ACAD11: variants seen among roughly 807,000 people sequenced by gnomAD.
ACAD11 encodes acyl-Coenzyme A dehydrogenase family, member 11.
Under a neutral mutation model 102.2 loss-of-function variants are expected in ACAD11, and 83 were observed. The ratio of observed to expected loss-of-function variants is 0.81; its 90% confidence interval spans 0.68 to 0.97. ACAD11 has a LOEUF of 0.97. Among genes scored for constraint, ACAD11 ranks in the 50% least tolerant of loss-of-function variants. The probability of loss-of-function intolerance (pLI) is 0.00; values close to 1 mark genes in which losing one functional copy is unlikely to be tolerated. For missense variants in ACAD11, 901 were observed against 951.7 expected, an observed-to-expected ratio of 0.95 and a Z score of 0.70; for synonymous variants, 324 against 319.8, an observed-to-expected ratio of 1.01 and a Z score of -0.14.
chr3:132,631,315 A>AAAAGCG (rs757317626), intron 6 of ACAD11, 26 bp downstream of exon 6: 1 of 1,345,998 alleles, frequency 7.4e-7, no homozygotes, highest in South Asian at 2.2e-5. Context: ...ATTAATAGCA[A>AAAAGCG]TTTAGACAAC....
rs1386269858 is a variant in ACAD11, at chr3:132,605,096, A to G, written c.1522+2T>C. 6.2e-7 allele frequency: 1 copy of G among 1,608,254 alleles called. No individual in the cohort carries two copies. The highest frequency in any genetic ancestry group is 8.5e-7 in the Non-Finnish European group (1 of 1,175,204). On this transcript the variant is annotated splice_donor_variant, in intron 12 of 19. Coordinates refer to ENST00000264990, the MANE Select transcript of ACAD11 (RefSeq NM_032169.5). LOFTEE classifies it high-confidence loss of function. ...AAGGAGAGAATGGTGATTGGCATTT[A>G]CCTGTCATACAGAAGCAAGAGGTAA...
In ACAD11 at chr3:132,600,380, G is replaced by A. The variant is rs759715558; in HGVS notation, c.1621+2849C>T. The A allele has an allele frequency of 1.9e-6, 3 of 1,559,220 alleles. 1 individual carries two copies. In the South Asian group the frequency reaches 3.7e-5, roughly 19 times the overall value. On this transcript the variant is annotated intron_variant, in intron 13 of 19. Transcript: ENST00000264990. ...CAAATATCTATCCTGTATTCTCTTT[G>A]CCATCTAGATTGGAGCCATGGCTTT...
intron 11 of ACAD11, among the ~76,000 whole-genome samples, chr3:132,611,476 C>T (rs1438540102): frequency 6.6e-6 from 1 of 152,092 alleles, no homozygotes; most frequent in Non-Finnish European, 1.5e-5. Flanking sequence ...TAGAAAACCC[C>T]ATCGTCTCAG....
intron 1 of ACAD11, chr3:132,650,320 G>A (rs774628958): frequency 3.3e-5 from 5 of 152,202 alleles, no homozygotes; most frequent in Non-Finnish European, 5.9e-5. Context: ...CTAGCACCAT[G>A]CTAGGTGCTT....
chr3:132,612,768 A>G (rs2107839090), intron 11 of ACAD11, among the ~76,000 whole-genome samples: 1 of 152,120 alleles, frequency 6.6e-6, no homozygotes, highest in Middle Eastern at 3.4e-3. Flanking sequence ...ACACTTTTAC[A>G]CTGTTGGTGG....
At chr3:132,627,794 CATT>C (rs748878518) in intron 8 of ACAD11, among the ~76,000 whole-genome samples, 14 of 152,184 alleles carry the variant, frequency 9.2e-5, no homozygotes, top group Admixed American at 2.0e-4. Flanking sequence ...ATTGTCCTAA[CATT>C]ATGCCATGGG....
intron 13 of ACAD11, among the ~76,000 whole-genome samples, chr3:132,589,830 C>A (rs1938000758): frequency 6.6e-6 from 1 of 152,114 alleles, no homozygotes; most frequent in Non-Finnish European, 1.5e-5. Flanking sequence ...AAGCCCAGTA[C>A]CCAATTGTTA....
chr3:132,632,865 T>G (rs555325783), intron 5 of ACAD11, among the ~76,000 whole-genome samples: 2 of 152,226 alleles, frequency 1.3e-5, no homozygotes, highest in Non-Finnish European at 2.9e-5. Flanking sequence ...TCACTCATGA[T>G]TTGGCTCTCT....
rs777026457 is a variant in ACAD11 at position 132,559,949 on chromosome 3, A to C, written c.2119-7T>G. ...CCACTTTGATCATTGCAATCTATAT[A>C]AGCAAAATATGAAAAGAATGCTTCT... On this transcript the variant is annotated splice_region_variant and splice_polypyrimidine_tract_variant and intron_variant, in intron 18 of 19. Transcript: ENST00000264990. 1 of 1,603,988 alleles carries C rather than the reference A, an allele frequency of 6.2e-7. No individual in the cohort carries two copies. The highest frequency in any genetic ancestry group is 8.5e-7 in the Non-Finnish European group (1 of 1,172,460).
At chr3:132,630,844 G>A (rs1940011060) in intron 6 of ACAD11, among the ~76,000 whole-genome samples, 1 of 152,306 alleles carries the variant, frequency 6.6e-6, no homozygotes. Flanking sequence ...TGCGGGGGCC[G>A]AGGATCACTT....
Position 132,561,080 on chromosome 3 carries a change from G to C in ACAD11, c.2118+21C>G, listed in dbSNP as rs755780124. ...GAGAAGGCTCAGCAGTTGGTGGTCT[G>C]AGGGGAGAAGGTAGCCTCACCTCTT... On this transcript the variant is annotated intron_variant, in intron 18 of 19. Coordinates refer to ENST00000264990, the MANE Select transcript of ACAD11 (RefSeq NM_032169.5). 5 of 1,589,476 alleles carry C rather than the reference G, an allele frequency of 3.1e-6. No homozygotes were observed. The South Asian group carries it at 4.4e-5, about 14-fold the overall frequency.
intron 1 of ACAD11, chr3:132,646,464 A>C (rs1022862009): frequency 1.3e-5 from 2 of 152,228 alleles, no homozygotes; most frequent in South Asian, 4.1e-4. Context: ...ATTTTTGATG[A>C]GGCAGTTCTC....
chr3:132,631,492 A>C lies in ACAD11; in HGVS notation c.703-13T>G. ...CTATAACTCGACACTGTAATTAAAA[A>C]TAAAGAGGTCTGTAACACATTAAAA... is the stretch of plus-strand genomic sequence containing the variant. On this transcript the variant is annotated splice_polypyrimidine_tract_variant and intron_variant, in intron 5 of 19. Transcript: ENST00000264990. 6.9e-7 allele frequency: 1 copy of C among 1,452,142 alleles called. No homozygotes were observed. The highest frequency in any genetic ancestry group is 9.1e-7 in the Non-Finnish European group (1 of 1,096,172). The allele number at this position is 1,452,142 out of a possible 1,614,324, so 90.0% of individuals were successfully genotyped here. A position where few individuals can be genotyped will look rare whatever the true frequency, so the allele number is the denominator to read the frequency against.
rs908791358 is a variant in ACAD11 at position 132,586,025 on chromosome 3, T to G, written c.1622-6467A>C. ...CAAAGGATTATAAATCATGCTGCTA[T>G]AAAGACACATGCACACGTATGTTTA... is the stretch of plus-strand genomic sequence containing the variant. On this transcript the variant is annotated intron_variant, in intron 13 of 19. Coordinates refer to ENST00000264990, the MANE Select transcript of ACAD11 (RefSeq NM_032169.5). Among the ~76,000 whole-genome samples, 4 of 152,130 alleles carry G rather than the reference T, an allele frequency of 2.6e-5. No homozygotes were observed. In the East Asian group the frequency reaches 7.7e-4, roughly 29 times the overall value.
chr3:132,622,998 T>C (rs191858269), intron 9 of ACAD11, among the ~76,000 whole-genome samples: 1,753 of 152,360 alleles, frequency 0.012, 14 homozygotes, highest in South Asian at 0.019. Context: ...ATGTTGCTAG[T>C]TCCTGTTTTA....
At chr3:132,601,826 T>A in intron 13 of ACAD11, 1 of 328,890 alleles carries the variant, frequency 3.0e-6, no homozygotes, top group Non-Finnish European at 6.1e-6. Context: ...TTCAATTTCC[T>A]GGTTTTGACA....
At chr3:132,629,647 A>T (rs1208939893) in intron 7 of ACAD11, among the ~76,000 whole-genome samples, 1 of 152,210 alleles carries the variant, frequency 6.6e-6, no homozygotes, top group African/African-American at 2.4e-5. Flanking sequence ...ATGTAACACA[A>T]CTATTTCAGT....
rs147978362 is a variant in ACAD11 at position 132,635,944 on chromosome 3, A to C, written c.702+3548T>G. ...AAGAGGATGGATGCATTTTTCTCTT[A>C]CATCATTCTATTTGTTATCTATGCT... On this transcript the variant is annotated intron_variant, in intron 5 of 19. Transcript: ENST00000264990. Among the ~76,000 whole-genome samples, 654 of 152,236 alleles carry C rather than the reference A, an allele frequency of 4.3e-3. 8 individuals carry two copies. Among genetic ancestry groups the C allele is most frequent in the African/African-American group, 0.014 (575 of 41,558 alleles).
chr3:132,584,011 G>A (rs1195300950), intron 13 of ACAD11, among the ~76,000 whole-genome samples: 3 of 152,268 alleles, frequency 2.0e-5, no homozygotes, highest in East Asian at 3.9e-4. Context: ...GGTGTGGTGT[G>A]GTGCTGAAAA....
Sources: allele counts gnomAD v4.1 joint callset (sites outside exome capture counted in the v4.1 genomes callset), GRCh38; gene constraint gnomAD v4.1.1; transcripts MANE v1.5; gene names NCBI Gene and HGNC (gene_info 2026-07-23, HGNC 2026-07-21).